The following LY6G6C variants were observed in gnomAD, a reference collection of about 807,000 sequenced individuals.
The protein encoded by LY6G6C is lymphocyte antigen 6 family member G6C.
In LY6G6C, 12 loss-of-function variants were observed where a neutral mutation model predicts 12.8. The ratio of observed to expected loss-of-function variants is 0.94; its 90% CI spans 0.60 to 1.52. The LOEUF (loss-of-function observed/expected upper bound fraction) is 1.52. Among genes scored for constraint, LY6G6C ranks in the 40% most tolerant of loss-of-function variants. The pLI is 0.00. For missense variants in LY6G6C, 125 were observed against 155.8 expected (o/e 0.80, Z 1.05); for synonymous variants, 42 against 61.6 (o/e 0.68, Z 1.49).
At position 31,720,141 on chromosome 6, in the gene LY6G6C, A is replaced by C; in HGVS notation, c.115T>G (p.Cys39Gly). Residue 39 changes from cysteine (C) to glycine (G), a missense_variant, in exon 2 of 3, where the codon TGC becomes GGC. Coordinates refer to ENST00000375819, the MANE Select transcript of LY6G6C (RefSeq NM_025261.3). The surrounding 1 kb of genome is among the most constrained non-coding windows in gnomAD (Gnocchi z 4.9). ...PVLGCVDRQS[C>G]RLEPGQQCLT... is the part of the protein sequence containing the mutation. ...CATTGCTGTCCTGGCTCCAGGCGGC[A>C]GGACTGCCGGTCCACACAGCCCAGC... 1 of 1,613,142 alleles carries C rather than the reference A, an allele frequency of 6.2e-7. No homozygotes were observed.
In LY6G6C at chr6:31,718,775, C is replaced by A; in HGVS notation, c.*321G>T. On this transcript the variant is annotated 3_prime_UTR_variant, in exon 3 of 3. Transcript: ENST00000375819. ...CATCAGGTCCTTGTGGGAGCCTTCA[C>A]TGGGGACAACACAGAAGCCCCATTT... 4.5e-6 allele frequency: 2 copies of A among 445,304 alleles called. No homozygotes were observed. Among genetic ancestry groups the A allele is most frequent in the South Asian group, 4.6e-5 (1 of 21,866 alleles). 27.6% of individuals were successfully genotyped at this position (445,304 alleles called of 1,614,324 possible). A position where few individuals can be genotyped will look rare whatever the true frequency, so the allele number is the denominator to read the frequency against.
intron 1 of LY6G6C, 146 bp downstream of exon 1, chr6:31,721,482 C>CTGGT (rs1806780009): frequency 3.2e-6 from 2 of 624,076 alleles, no homozygotes; most frequent in Non-Finnish European, 5.6e-6. Flanking sequence ...ATAGGGAAGC[C>CTGGT]TGGTCTTGGT....
rs762935702 is a variant in LY6G6C at position 31,719,261 on chromosome 6, G to A, written c.213C>T (p.Pro71=). ...SNLRCGTPEE[P]CQEAFNQTNR... Reference sequence around the variant, plus strand: ...TGGTTTGGTTGAAGGCCTCCTGACAGGGCTCTTCTGGTGTGCCACAGCGCA... The same window carrying A: ...TGGTTTGGTTGAAGGCCTCCTGACAAGGCTCTTCTGGTGTGCCACAGCGCA... Residue 71 remains proline, a synonymous_variant, in exon 3 of 3, where the codon CCC becomes CCT. Coordinates refer to ENST00000375819, the MANE Select transcript of LY6G6C (RefSeq NM_025261.3). 3.6e-5 allele frequency: 58 copies of A among 1,614,048 alleles called. No individual in the cohort carries two copies. The highest frequency in any genetic ancestry group is 8.5e-6 in the Non-Finnish European group (10 of 1,180,010).
intron 2 of LY6G6C, among the ~76,000 whole-genome samples, chr6:31,719,533 G>GTTTTTTGT (rs1380286536): frequency 2.6e-5 from 4 of 151,990 alleles, no homozygotes; most frequent in South Asian, 2.1e-4. Context: ...TACTGTCTCT[G>GTTTTTTGT]TTTTTTGTTT....
rs904735427 is a variant in LY6G6C, at chr6:31,721,629, T to C, written c.51A>G (p.Ser17=). 12 of 1,613,622 alleles carry C rather than the reference T, an allele frequency of 7.4e-6. No homozygotes were observed. Among genetic ancestry groups the C allele is most frequent in the Middle Eastern group, 3.3e-4 (2 of 6,050 alleles). Reference sequence around the variant, plus strand: ...TCTTTGGGGCCCCCAGGTGCTCACCTGAGACCCAGCAGAGCAGAACAGACA... The same window carrying C: ...TCTTTGGGGCCCCCAGGTGCTCACCCGAGACCCAGCAGAGCAGAACAGACA... ...LTLSVLLCWV[S]ADIRCHSCYK... is the part of the protein sequence containing the mutation. The change falls in exon 1 of 3, where the codon TCA becomes TCG. Residue 17 remains serine (S), a splice_region_variant and synonymous_variant. Transcript: ENST00000375819.
At chr6:31,719,961 C>T (rs780612384) in intron 2 of LY6G6C, 132 bp downstream of exon 2, 6 of 629,310 alleles carry the variant, frequency 9.5e-6, no homozygotes, top group Non-Finnish European at 1.7e-5. Flanking sequence ...GGCACACAAC[C>T]ATCTTTGGCC....
chr6:31,720,233 T>C lies in LY6G6C; in HGVS notation c.53-30A>G. The C allele has an allele frequency of 1.3e-6, 2 of 1,535,930 alleles. No individual in the cohort carries two copies. Among genetic ancestry groups the C allele is most frequent in the Non-Finnish European group, 1.8e-6 (2 of 1,110,490 alleles). ...GAAGACACAAGTCAGGCTGAGGTGA[T>C]GGGGTCTCTGACTTACCTGGGGATA... On this transcript the variant is annotated intron_variant, in intron 1 of 2. Coordinates refer to ENST00000375819, the MANE Select transcript of LY6G6C (RefSeq NM_025261.3). The surrounding 1 kb of genome is among the most constrained non-coding windows in gnomAD (Gnocchi z 4.9).
In LY6G6C at chr6:31,719,682, G is replaced by A. The variant is rs142339548; in HGVS notation, c.164-372C>T. Among the ~76,000 whole-genome samples, 1,318 of 152,056 alleles carry A rather than the reference G, an allele frequency of 8.7e-3. 15 individuals carry two copies. Among genetic ancestry groups the A allele is most frequent in the African/African-American group, 0.027 (1,135 of 41,474 alleles). On this transcript the variant is annotated intron_variant, in intron 2 of 2. Transcript: ENST00000375819. ...CTCCCGAGTAGCTGGGATTACAGGC[G>A]CCCACTACCATGCCTGGCTAATTTT... is the stretch of plus-strand genomic sequence containing the variant.
At position 31,718,862 on chromosome 6, in the gene LY6G6C, G is replaced by T. The variant is rs372885730; in HGVS notation, c.*234C>A. ...AGCAGAGTATAGGAAGCAAAGTGGG[G>T]AGCCCTTCTAGGAGCCAATGGAGGT... On this transcript the variant is annotated 3_prime_UTR_variant, in exon 3 of 3. Coordinates refer to ENST00000375819, the MANE Select transcript of LY6G6C (RefSeq NM_025261.3). 8.3e-3 allele frequency: 4,790 copies of T among 576,700 alleles called. 214 individuals are homozygous for T. The highest frequency in any genetic ancestry group is 0.077 in the South Asian group (3,352 of 43,624). 35.7% of individuals were successfully genotyped at this position (576,700 alleles called of 1,614,324 possible).
chr6:31,719,314 G>T lies in LY6G6C; in HGVS notation c.164-4C>A. ...TTGGAGAAAACCCACATCTTACCTA[G>T]GGGTGGGAATGGGCAGGGAATCGGC... On this transcript the variant is annotated splice_polypyrimidine_tract_variant and splice_region_variant and intron_variant, in intron 2 of 2. Transcript: ENST00000375819. The T allele has an allele frequency of 6.2e-7, 1 of 1,614,028 alleles. No homozygotes were observed. The highest frequency in any genetic ancestry group is 8.5e-7 in the Non-Finnish European group (1 of 1,179,944).
intron 1 of LY6G6C, 114 bp downstream of exon 1, chr6:31,721,514 T>G (rs1806782191): frequency 2.2e-6 from 2 of 892,538 alleles, no homozygotes; most frequent in Non-Finnish European, 3.5e-6. Context: ...GCTGAGCCAG[T>G]TGGGGCTGGG....
intron 1 of LY6G6C, 101 bp downstream of exon 1, chr6:31,721,527 T>G: frequency 1.9e-6 from 2 of 1,027,050 alleles, no homozygotes; most frequent in Non-Finnish European, 2.9e-6. Context: ...GGGCTGGGGG[T>G]GTTGGGATCC....
In LY6G6C at chr6:31,721,693, A is replaced by G; in HGVS notation, c.-14T>C. On this transcript the variant is annotated 5_prime_UTR_variant, in exon 1 of 3. Transcript: ENST00000375819. ...AAGGGCTTTCATGGCGAGGGTCCTG[A>G]GAATGGTGGCAACCACAGCAGCTGA... 6.2e-7 allele frequency: 1 copy of G among 1,613,972 alleles called. No individual in the cohort carries two copies. The highest frequency in any genetic ancestry group is 8.5e-7 in the Non-Finnish European group (1 of 1,179,874).
rs15574 is a variant in LY6G6C at position 31,718,720 on chromosome 6, G to A, written c.*376C>T. The A allele has an allele frequency of 0.28, 81,432 of 291,228 alleles. 13,210 individuals are homozygous for A. The highest frequency in any genetic ancestry group is 0.47 in the African/African-American group (22,004 of 46,356). The allele number at this position is 291,228 out of a possible 1,614,324, so 18.0% of individuals were successfully genotyped here. A position where few individuals can be genotyped will look rare whatever the true frequency, so the allele number is the denominator to read the frequency against. Reference sequence around the variant, plus strand: ...GGATGGGGTACATATGGGAGCCTGGGTTTGGGGAGTCAGCTCTGTACAGTG... The same window carrying A: ...GGATGGGGTACATATGGGAGCCTGGATTTGGGGAGTCAGCTCTGTACAGTG... On this transcript the variant is annotated 3_prime_UTR_variant, in exon 3 of 3. Coordinates refer to ENST00000375819, the MANE Select transcript of LY6G6C (RefSeq NM_025261.3).
At position 31,720,450 on chromosome 6, in the gene LY6G6C, C is replaced by T. The variant is rs1458654295; in HGVS notation, c.53-247G>A. Among the ~76,000 whole-genome samples the T allele has an allele frequency of 6.6e-6, 1 of 152,062 alleles. No homozygotes were observed. The highest frequency in any genetic ancestry group is 1.5e-5 in the Non-Finnish European group (1 of 68,012). ...CCCTACATATCTTCCATCACTCCAC[C>T]CCGTTTGGAGGTGAGTCAAGAGGGA... On this transcript the variant is annotated intron_variant, in intron 1 of 2. Transcript: ENST00000375819. This position sits in a 1 kb window ranked among gnomAD's most constrained non-coding sequence, Gnocchi z 4.9.
In LY6G6C at chr6:31,719,269, C is replaced by A; in HGVS notation, c.205G>T (p.Glu69Ter). ...TTGAAGGCCTCCTGACAGGGCTCTT[C>A]TGGTGTGCCACAGCGCAGATTGGAG... ...VFSNLRCGTP[E>*]EPCQEAFNQT... Residue 69 changes from glutamate (E) to a stop codon, truncating the protein, a stop_gained, in exon 3 of 3, where the codon GAA becomes TAA. Coordinates refer to ENST00000375819, the MANE Select transcript of LY6G6C (RefSeq NM_025261.3). LOFTEE classifies it high-confidence loss of function. The A allele has an allele frequency of 6.2e-7, 1 of 1,614,122 alleles. No individual in the cohort carries two copies. The highest frequency in any genetic ancestry group is 2.2e-5 in the East Asian group (1 of 44,880).
Position 31,719,393 on chromosome 6 carries a change from T to G in LY6G6C, c.164-83A>C, listed in dbSNP as rs1806663560. 9 of 1,192,726 alleles carry G rather than the reference T, an allele frequency of 7.5e-6. No homozygotes were observed. In the Admixed American group the frequency reaches 1.2e-4, roughly 16 times the overall value. The allele number at this position is 1,192,726 out of a possible 1,614,324, so 73.9% of individuals were successfully genotyped here. ...CACCTCCCCACCCCATCCACCCACCTAGGCTTCCTTCCTTCCCAACTCTGT... is the reference window on the plus strand; with the variant it reads ...CACCTCCCCACCCCATCCACCCACCGAGGCTTCCTTCCTTCCCAACTCTGT... On this transcript the variant is annotated intron_variant, in intron 2 of 2. Coordinates refer to ENST00000375819, the MANE Select transcript of LY6G6C (RefSeq NM_025261.3).
At chr6:31,719,996 C>T in intron 2 of LY6G6C, 97 bp downstream of exon 2, 1 of 765,224 alleles carries the variant, frequency 1.3e-6, no homozygotes, top group South Asian at 1.7e-5. Flanking sequence ...CTATAATCCT[C>T]TGCTTCTCCA....
At position 31,718,993 on chromosome 6, in the gene LY6G6C, G is replaced by A; in HGVS notation, c.*103C>T. ...GAACAGTGTTTAATTAAAGAAATGG[G>A]AGCTAGGGAGAGACGATTCTGTAAA... On this transcript the variant is annotated 3_prime_UTR_variant, in exon 3 of 3. Coordinates refer to ENST00000375819, the MANE Select transcript of LY6G6C (RefSeq NM_025261.3). The A allele has an allele frequency of 1.1e-6, 1 of 945,990 alleles. No homozygotes were observed. Among genetic ancestry groups the A allele is most frequent in the South Asian group, 1.5e-5 (1 of 67,734 alleles). The allele number at this position is 945,990 out of a possible 1,614,324, so 58.6% of individuals were successfully genotyped here.
Sources: gnomAD v4.1 joint callset for allele counts (sites outside exome capture counted in the v4.1 genomes callset) on GRCh38, gnomAD v4.1.1 for gene constraint, Gnocchi (gnomAD v3.1) non-coding constraint, MANE v1.5 for transcripts, NCBI Gene and HGNC (gene_info 2026-07-23, HGNC 2026-07-21) for gene names.